The following FLT1 variants were observed in gnomAD, a reference collection of about 807,000 sequenced individuals.
FLT1 encodes the protein vascular endothelial growth factor receptor 1.
In FLT1, 49 loss-of-function variants were observed where a neutral mutation model predicts 156.3. The ratio of observed to expected loss-of-function variants is 0.31; its 90% CI spans 0.25 to 0.40. The LOEUF (loss-of-function observed/expected upper bound fraction) is 0.40. Ranked by LOEUF, FLT1 falls within the 10% of genes least tolerant of loss-of-function variation. FLT1 has a pLI of 1.00. For synonymous variants in FLT1, 594 were observed against 583.8 expected, an observed-to-expected ratio of 1.02 and a Z score of -0.25; for missense variants, 1,322 against 1,637.2, an observed-to-expected ratio of 0.81 and a Z score of 3.32.
At position 28,439,319 on chromosome 13, in the gene FLT1, T is replaced by G. The variant is rs948967493; in HGVS notation, c.389-974A>C. Among the ~76,000 whole-genome samples, 2 of 152,196 alleles carry G rather than the reference T, an allele frequency of 1.3e-5. No homozygotes were observed. The highest frequency in any genetic ancestry group is 2.9e-5 in the Non-Finnish European group (2 of 68,038). On this transcript the variant is annotated intron_variant, in intron 3 of 29. Coordinates refer to ENST00000282397, the MANE Select transcript of FLT1 (RefSeq NM_002019.4). This position sits in a 1 kb window ranked among gnomAD's most constrained non-coding sequence, Gnocchi z 4.1. ...ATATACTAAATGGAAAGAAGTCCTGTGTGAACTCTCTCCATTTGGACCTGA... is the reference window on the plus strand; with the variant it reads ...ATATACTAAATGGAAAGAAGTCCTGGGTGAACTCTCTCCATTTGGACCTGA...
intron 10 of FLT1, 22 bp from the exon 11 acceptor site, chr13:28,405,916 A>G: frequency 7.7e-7 from 1 of 1,293,444 alleles, no homozygotes; most frequent in East Asian, 2.3e-5. Context: ...AAAAGTTGTC[A>G]CAATGTGGCT....
chr13:28,453,721 C>T (rs535708185), intron 3 of FLT1, among the ~76,000 whole-genome samples: 1 of 152,302 alleles, frequency 6.6e-6, no homozygotes, highest in East Asian at 1.9e-4. Flanking sequence ...TCTCAATGTG[C>T]CCTCAATTTC....
In FLT1 at chr13:28,412,329, C is replaced by CTTTCTTTCTTTCTTTCTTTTCTTTCT. The variant is rs775271915; in HGVS notation, c.1437-6436_1437-6435insAGAAAGAAAAGAAAGAAAGAAAGAAA. On this transcript the variant is annotated intron_variant, in intron 10 of 29. Coordinates refer to ENST00000282397, the MANE Select transcript of FLT1 (RefSeq NM_002019.4). ...TTTCTCTTTCTTTCTTTCTTTCTTT[C>CTTTCTTTCTTTCTTTCTTTTCTTTCT]TTTTCTTTCTTTCTTTCTTTCTCTT... is the stretch of plus-strand genomic sequence containing the variant. 6.7e-5 allele frequency among the ~76,000 whole-genome samples: 6 copies of CTTTCTTTCTTTCTTTCTTTTCTTTCT among 89,014 alleles called. No homozygotes were observed. In the South Asian group the frequency reaches 2.7e-3, roughly 40 times the overall value. The allele number at this position is 89,014 out of a possible 152,430, so 58.4% of individuals were successfully genotyped here.
intron 11 of FLT1, among the ~76,000 whole-genome samples, chr13:28,404,005 G>A (rs1273217234): frequency 6.7e-6 from 1 of 149,018 alleles, no homozygotes; most frequent in Non-Finnish European, 1.5e-5. Context: ...TTGGGCCACT[G>A]CACTCCAGCC....
At chr13:28,457,102 G>T (rs1343023620) in intron 3 of FLT1, among the ~76,000 whole-genome samples, 1 of 151,986 alleles carries the variant, frequency 6.6e-6, no homozygotes, top group Non-Finnish European at 1.5e-5. Context: ...GGGACAAGGG[G>T]TATATAGGAA....
intron 11 of FLT1, among the ~76,000 whole-genome samples, chr13:28,404,890 G>A (rs1875687632): frequency 6.6e-6 from 1 of 151,670 alleles, no homozygotes; most frequent in African/African-American, 2.4e-5. Flanking sequence ...TGTGATGGCA[G>A]GTGCCTGTAA....
intron 16 of FLT1, among the ~76,000 whole-genome samples, chr13:28,342,068 A>G (rs1872356181): frequency 6.6e-6 from 1 of 152,076 alleles, no homozygotes; most frequent in Non-Finnish European, 1.5e-5. Flanking sequence ...TTCTTAGTAG[A>G]GACAGGGTTT....
chr13:28,393,782 T>C (rs1321835225), intron 12 of FLT1, among the ~76,000 whole-genome samples: 1 of 152,184 alleles, frequency 6.6e-6, no homozygotes. Flanking sequence ...AGACAGGATT[T>C]TGCCATGTTT....
intron 14 of FLT1, among the ~76,000 whole-genome samples, chr13:28,369,902 T>C (rs192332448): frequency 3.3e-5 from 5 of 151,866 alleles, no homozygotes; most frequent in Non-Finnish European, 7.4e-5. Flanking sequence ...GGGACAGTGA[T>C]GAAAAATGCC....
intron 12 of FLT1, among the ~76,000 whole-genome samples, chr13:28,392,732 AC>A (rs1490562213): frequency 6.6e-6 from 1 of 152,168 alleles, no homozygotes; most frequent in East Asian, 1.9e-4. Context: ...TTCCTGTTTC[AC>A]CCTCAGTAAT....
intron 10 of FLT1, among the ~76,000 whole-genome samples, chr13:28,410,720 T>C (rs1876113296): frequency 6.6e-6 from 1 of 152,250 alleles, no homozygotes; most frequent in South Asian, 2.1e-4. Context: ...CTAGAAGCAA[T>C]ACACATTTTG....
At chr13:28,345,577 T>C (rs758171022) in intron 15 of FLT1, 26 bp from the exon 16 acceptor site, 2 of 1,343,150 alleles carry the variant, frequency 1.5e-6, no homozygotes, top group South Asian at 1.2e-5. Context: ...ATCACAATAG[T>C]GGTGCAACAA....
chr13:28,318,755 G>T (rs3794399), intron 24 of FLT1, among the ~76,000 whole-genome samples: 17,026 of 152,216 alleles, frequency 0.11, 967 homozygotes, highest in East Asian at 0.19. Flanking sequence ...GACTCTTGGC[G>T]AGAACTTGAG....
chr13:28,302,402 G>A lies in FLT1; in HGVS notation c.*765C>T, dbSNP rs61763575. ...AGTGCTACAAATCAAAACATGCCAC[G>A]AATGAGAATGGACATAGAACCACTT... On this transcript the variant is annotated 3_prime_UTR_variant, in exon 30 of 30. Transcript: ENST00000282397. The A allele has an allele frequency of 5.9e-3, 1,384 of 233,280 alleles. 20 individuals carry two copies. The highest frequency in any genetic ancestry group is 0.026 in the African/African-American group (1,196 of 45,460). 14.5% of individuals were successfully genotyped at this position (233,280 alleles called of 1,614,324 possible).
intron 1 of FLT1, among the ~76,000 whole-genome samples, chr13:28,482,487 T>TA (rs1198918540): frequency 7.5e-5 from 11 of 147,230 alleles, no homozygotes; most frequent in South Asian, 2.2e-4. Context: ...AATAAATAAA[T>TA]AATAATAAAG....
At chr13:28,436,539 T>G (rs571374022) in intron 4 of FLT1, among the ~76,000 whole-genome samples, 1 of 152,312 alleles carries the variant, frequency 6.6e-6, no homozygotes, top group South Asian at 2.1e-4. Flanking sequence ...CCCAGATTTT[T>G]ATATGGGAAT....
At chr13:28,385,843 C>T (rs1179198354) in intron 13 of FLT1, 4 of 1,053,104 alleles carry the variant, frequency 3.8e-6, no homozygotes, top group Non-Finnish European at 4.6e-6. Context: ...ACCCCCAAGG[C>T]CCCCAATGAG....
rs1003998832 is a variant in FLT1 at position 28,303,496 on chromosome 13, C to CT, written c.3816-129_3816-128insA. 734 of 799,210 alleles carry CT rather than the reference C, an allele frequency of 9.2e-4. 5 individuals carry two copies. Among genetic ancestry groups the CT allele is most frequent in the South Asian group, 1.1e-3 (73 of 65,296 alleles). The allele number at this position is 799,210 out of a possible 1,614,324, so 49.5% of individuals were successfully genotyped here. A position where few individuals can be genotyped will look rare whatever the true frequency, so the allele number is the denominator to read the frequency against. On this transcript the variant is annotated intron_variant, in intron 29 of 29. Transcript: ENST00000282397. ...TCTAGAGTTCATGGTTTTGGAACCC[C>CT]CCCCCCCTCAATTGCTGTCAGATTT...
intron 29 of FLT1, among the ~76,000 whole-genome samples, chr13:28,305,642 T>C (rs979916572): frequency 6.6e-6 from 1 of 152,244 alleles, no homozygotes; most frequent in Non-Finnish European, 1.5e-5. Context: ...TGATGATGTA[T>C]TGTCTACGGT....
Sources: gnomAD v4.1 joint callset for allele counts (sites outside exome capture counted in the v4.1 genomes callset) on GRCh38, gnomAD v4.1.1 for gene constraint, Gnocchi (gnomAD v3.1) non-coding constraint, MANE v1.5 for transcripts, NCBI Gene and HGNC (gene_info 2026-07-23, HGNC 2026-07-21) for gene names.